The following ADARB1 variants were observed in gnomAD, a reference collection of about 807,000 sequenced individuals.
The protein encoded by ADARB1 is adenosine deaminase RNA specific B1.
A neutral mutation model predicts 52.4 loss-of-function variants in ADARB1; 10 were observed. The ratio of observed to expected loss-of-function variants is 0.19; its 90% confidence interval spans 0.12 to 0.32. The LOEUF (loss-of-function observed/expected upper bound fraction) is 0.32, where lower values mean the gene tolerates loss of function less well. ADARB1 is among the 10% of genes least tolerant of loss of function. The pLI, the probability that ADARB1 is intolerant of heterozygous loss-of-function variation, is 1.00. For missense variants in ADARB1, 643 were observed against 922.3 expected, an observed-to-expected ratio of 0.70 and a Z score of 3.92; for synonymous variants, 349 against 371.1, an observed-to-expected ratio of 0.94 and a Z score of 0.68.
intron 2 of ADARB1, among the ~76,000 whole-genome samples, chr21:45,152,071 C>G (rs904671177): frequency 3.9e-4 from 60 of 152,316 alleles, no homozygotes; most frequent in African/African-American, 1.4e-3. Context: ...TTTCCTGTCC[C>G]AGGGATTTCA....
intron 8 of ADARB1, among the ~76,000 whole-genome samples, chr21:45,188,886 A>C (rs1441137646): frequency 2.6e-5 from 4 of 152,240 alleles, no homozygotes; most frequent in Non-Finnish European, 5.9e-5. Flanking sequence ...CAAAAGAAAG[A>C]GGTTTAATGG....
chr21:45,074,628 C>A lies in ADARB1; in HGVS notation c.-385C>A, dbSNP rs1015489761. ...GCGGCGGCGGCGGCGGCGGCAGCGG[C>A]GGCCAAGCGGCCAGGTTGGCGGCCG... is the stretch of plus-strand genomic sequence containing the variant. On this transcript the variant is annotated 5_prime_UTR_variant, in exon 1 of 11. Coordinates refer to ENST00000348831, the MANE Select transcript of ADARB1 (RefSeq NM_001112.4). The A allele has an allele frequency of 6.7e-6, 1 of 149,302 alleles. No homozygotes were observed. Among genetic ancestry groups the A allele is most frequent in the Admixed American group, 6.8e-5 (1 of 14,720 alleles). The allele number at this position is 149,302 out of a possible 1,614,324, so 9.2% of individuals were successfully genotyped here.
In ADARB1 at chr21:45,166,564, C is replaced by T. The variant is rs115138216; in HGVS notation, c.-47-5046C>T. On this transcript the variant is annotated intron_variant, in intron 2 of 10. Coordinates refer to ENST00000348831, the MANE Select transcript of ADARB1 (RefSeq NM_001112.4). The stretch of plus-strand genomic sequence containing the variant: ...ATTGACCCTCTTTGTCCGTGAGCCA[C>T]GCTGTGTTGCGTTAGGCACTGAGGC... Among the ~76,000 whole-genome samples, 319 of 152,336 alleles carry T rather than the reference C, an allele frequency of 2.1e-3. 1 individual carries two copies. Among genetic ancestry groups the T allele is most frequent in the African/African-American group, 7.2e-3 (300 of 41,574 alleles).
chr21:45,184,972 C>A lies in ADARB1; in HGVS notation c.1446C>A (p.Thr482=), dbSNP rs771694511. 4 of 1,614,076 alleles carry A rather than the reference C, an allele frequency of 2.5e-6. No individual in the cohort carries two copies. In the Admixed American group the frequency reaches 6.7e-5, roughly 27 times the overall value. The change falls in exon 8 of 11, where the codon ACC becomes ACA. Residue 482 remains threonine, a synonymous_variant. Transcript: ENST00000348831. ...GTAAAGCAAGAGGACAGCTACGGACCAAAATAGAGTCTGGTGAGGGGACGA... is the reference window on the plus strand; with the variant it reads ...GTAAAGCAAGAGGACAGCTACGGACAAAAATAGAGTCTGGTGAGGGGACGA... The part of the protein sequence containing the change: ...PNRKARGQLR[T]KIESGEGTIP...
chr21:45,093,750 T>G (rs112023141), intron 1 of ADARB1, among the ~76,000 whole-genome samples: 1 of 152,174 alleles, frequency 6.6e-6, no homozygotes, highest in Non-Finnish European at 1.5e-5. Flanking sequence ...AGGCTGATGC[T>G]TCCGGCCAAG....
intron 1 of ADARB1, among the ~76,000 whole-genome samples, chr21:45,110,237 G>A (rs1471702867): frequency 6.6e-6 from 1 of 152,196 alleles, no homozygotes; most frequent in African/African-American, 2.4e-5. Flanking sequence ...GGAAAGAGGT[G>A]GAGATAACCT....
chr21:45,078,433 G>C (rs2086028791), intron 1 of ADARB1, among the ~76,000 whole-genome samples: 1 of 152,236 alleles, frequency 6.6e-6, no homozygotes, highest in Admixed American at 6.5e-5. Flanking sequence ...GAGGAGAGCA[G>C]TAAACAAGCA....
rs141621782 is a variant in ADARB1 at position 45,208,605 on chromosome 21, AGT to A, written c.1747+3880_1747+3881del. 0.037 allele frequency among the ~76,000 whole-genome samples: 5,591 copies of A among 151,612 alleles called. 124 individuals are homozygous for A. The highest frequency in any genetic ancestry group is 0.048 in the Middle Eastern group (14 of 294). ...GGAACATCACTGTGAGAGTGTGGAA[AGT>A]GTGTGTGTGTATGTGTGCGTGTGTG... On this transcript the variant is annotated intron_variant, in intron 9 of 10. Coordinates refer to ENST00000348831, the MANE Select transcript of ADARB1 (RefSeq NM_001112.4). This position sits in a 1 kb window ranked among gnomAD's most constrained non-coding sequence, Gnocchi z 5.6.
intron 1 of ADARB1, among the ~76,000 whole-genome samples, chr21:45,113,473 ATATATATGTGTGTGTGTGTATATATG>A (rs944731178): frequency 4.1e-5 from 6 of 144,700 alleles, no homozygotes; most frequent in Non-Finnish European, 7.6e-5. Context: ...GTGTGTATAT[ATATATATGTGTGTGTGTGTATATATG>A]TGTGTGTGTG....
intron 1 of ADARB1, among the ~76,000 whole-genome samples, chr21:45,090,401 G>GTA (rs888928097): frequency 1.9e-4 from 29 of 152,066 alleles, no homozygotes; most frequent in African/African-American, 7.0e-4. Flanking sequence ...CTACATAGTG[G>GTA]TATAAGTGCT....
intron 2 of ADARB1, among the ~76,000 whole-genome samples, chr21:45,134,076 C>A (rs1277346468): frequency 1.0e-4 from 5 of 48,270 alleles, no homozygotes; most frequent in South Asian, 8.6e-4. Context: ...TGTGCGCCCG[C>A]CGGGTGTGTG....
chr21:45,103,411 C>G (rs1191200348), intron 1 of ADARB1, among the ~76,000 whole-genome samples: 1 of 151,712 alleles, frequency 6.6e-6, no homozygotes, highest in Non-Finnish European at 1.5e-5. Flanking sequence ...AATCATACAA[C>G]TCAGCATCAT....
intron 2 of ADARB1, among the ~76,000 whole-genome samples, chr21:45,147,713 G>A (rs947728933): frequency 1.3e-5 from 2 of 152,176 alleles, no homozygotes; most frequent in African/African-American, 4.8e-5. Context: ...CGTGCCCCGC[G>A]TGTTGCTCAG....
chr21:45,212,720 A>T (rs1214681956), intron 9 of ADARB1, among the ~76,000 whole-genome samples: 1 of 152,110 alleles, frequency 6.6e-6, no homozygotes, highest in African/African-American at 2.4e-5. Context: ...CATCAAAGAA[A>T]CAAGCAGAAG....
intron 2 of ADARB1, among the ~76,000 whole-genome samples, chr21:45,148,395 A>G (rs1397038598): frequency 3.3e-5 from 5 of 152,188 alleles, no homozygotes; most frequent in Admixed American, 3.3e-4. Context: ...GTCAGCATTG[A>G]AGGAAAGAAT....
Position 45,183,361 on chromosome 21 carries a change from G to T in ADARB1, c.1248-1G>T. ...TACTTTTGCAACTTTTTTCCTTTCA[G>T]TAACAAAGATGATCAAAAAAGATCC... On this transcript the variant is annotated splice_acceptor_variant, in intron 6 of 10. Coordinates refer to ENST00000348831, the MANE Select transcript of ADARB1 (RefSeq NM_001112.4). LOFTEE classifies it high-confidence loss of function. The T allele has an allele frequency of 6.3e-7, 1 of 1,592,766 alleles. No individual in the cohort carries two copies.
chr21:45,126,041 T>C (rs2088558803), intron 1 of ADARB1, among the ~76,000 whole-genome samples: 1 of 152,250 alleles, frequency 6.6e-6, no homozygotes, highest in Non-Finnish European at 1.5e-5. Flanking sequence ...CTAAGTGTTT[T>C]CTGTTTTCTC....
chr21:45,137,988 T>G (rs2089487510), intron 2 of ADARB1, among the ~76,000 whole-genome samples: 1 of 151,982 alleles, frequency 6.6e-6, no homozygotes, highest in South Asian at 2.1e-4. Flanking sequence ...TCTATGGGAG[T>G]GATGCCCTCA....
intron 1 of ADARB1, among the ~76,000 whole-genome samples, chr21:45,127,209 C>T (rs994472715): frequency 2.6e-5 from 4 of 152,158 alleles, no homozygotes; most frequent in Admixed American, 2.0e-4. Flanking sequence ...CAGAGGCCAA[C>T]GTCCTTGCAC....
Sources: allele counts gnomAD v4.1 joint callset (sites outside exome capture counted in the v4.1 genomes callset), GRCh38; gene constraint gnomAD v4.1.1; non-coding constraint Gnocchi (gnomAD v3.1); transcripts MANE v1.5; gene names NCBI Gene and HGNC (gene_info 2026-07-23, HGNC 2026-07-21).